CENPF: variants seen among roughly 807,000 people sequenced by gnomAD.
The protein encoded by CENPF is AH antigen.
Under a neutral mutation model 307.3 loss-of-function variants are expected in CENPF, and 214 were observed. That is an observed-to-expected ratio of 0.70 (90% confidence interval 0.62 to 0.78). CENPF has a LOEUF of 0.78. Among genes scored for constraint, CENPF ranks in the 30% least tolerant of loss-of-function variants. The pLI, the probability that CENPF is intolerant of heterozygous loss-of-function variation, is 0.00. For missense variants in CENPF, 3,401 were observed against 3,483.9 expected (o/e 0.98, Z 0.60); for synonymous variants, 1,259 against 1,270.6 (o/e 0.99, Z 0.19).
intron 3 of CENPF, among the ~76,000 whole-genome samples, chr1:214,616,848 T>C (rs898795916): frequency 6.7e-4 from 3 of 4,508 alleles, no homozygotes; most frequent in Admixed American, 1.6e-3. Context: ...TTTCTTTCTT[T>C]CTTTCTTTCT....
rs1199469297 is a variant in CENPF at position 214,644,732 on chromosome 1, G to T, written c.5162G>T (p.Cys1721Phe). Residue 1721 changes from cysteine to phenylalanine, a missense_variant, in exon 13 of 20, where the codon TGC becomes TTC. Transcript: ENST00000366955. The part of the protein sequence containing the change: ...ETGAVKPTGE[C>F]SGEQSPDTNY... ...GGTGCAGTGAAACCCACAGGAGAGT[G>T]CTCTGGGGAACAGTCCCCAGATACC... 4 of 1,613,764 alleles carry T rather than the reference G, an allele frequency of 2.5e-6. No individual in the cohort carries two copies. Among genetic ancestry groups the T allele is most frequent in the Non-Finnish European group, 3.4e-6 (4 of 1,179,894 alleles).
intron 4 of CENPF, among the ~76,000 whole-genome samples, 191 bp downstream of exon 4, chr1:214,618,885 T>C (rs977708671): frequency 6.6e-6 from 1 of 152,260 alleles, no homozygotes; most frequent in African/African-American, 2.4e-5. Context: ...GCTTTTAAGC[T>C]TTTTACTTTA....
chr1:214,664,017 G>A lies in CENPF; in HGVS notation c.*223G>A. The A allele has an allele frequency of 1.9e-6, 1 of 526,382 alleles. No individual in the cohort carries two copies. Among genetic ancestry groups the A allele is most frequent in the Non-Finnish European group, 3.4e-6 (1 of 296,808 alleles). The allele number at this position is 526,382 out of a possible 1,614,324, so 32.6% of individuals were successfully genotyped here. On this transcript the variant is annotated 3_prime_UTR_variant, in exon 20 of 20. Coordinates refer to ENST00000366955, the MANE Select transcript of CENPF (RefSeq NM_016343.4). ...AGCATTGCCATTCCTCTACTGCAAT[G>A]TAAATAGTATAAAGCTATGTATATA...
At position 214,645,512 on chromosome 1, in the gene CENPF, CT is replaced by C. The variant is rs779235200; in HGVS notation, c.5943del (p.Glu1982LysfsTer3). On this transcript the variant is annotated frameshift_variant, in exon 13 of 20. Coordinates refer to ENST00000366955, the MANE Select transcript of CENPF (RefSeq NM_016343.4). LOFTEE classifies it high-confidence loss of function. ...SKKTTALDQL[S>X]EKMKEKTQEL... The stretch of plus-strand genomic sequence containing the variant: ...AAAACCACGGCACTGGATCAGTTGT[CT>C]GAAAAAATGAAGGAGAAAACACAAG... 3 of 1,613,910 alleles carry C rather than the reference CT, an allele frequency of 1.9e-6. No homozygotes were observed. The African/African-American group carries it at 4.0e-5, about 22-fold the overall frequency.
Position 214,641,187 on chromosome 1 carries a change from C to T in CENPF, c.2849C>T (p.Thr950Ile). ...AAGGAGCTACAACTTTTATCCGAAA[C>T]CCTAAGCTTGGAGAAGAAAGAAATG... is the stretch of plus-strand genomic sequence containing the variant. ...SLKELQLLSE[T>I]LSLEKKEMSS... The change falls in exon 12 of 20, where the codon ACC (threonine) becomes ATC (isoleucine). Residue 950 changes from threonine (T) to isoleucine (I), a missense_variant. Physicochemically the swap from Thr to Ile is moderately conservative, Grantham distance 89. Transcript: ENST00000366955. The T allele has an allele frequency of 3.1e-6, 5 of 1,606,590 alleles. No homozygotes were observed. The highest frequency in any genetic ancestry group is 1.3e-5 in the African/African-American group (1 of 74,370).
At chr1:214,660,026 A>C (rs1031462007) in intron 19 of CENPF, among the ~76,000 whole-genome samples, 6 of 152,216 alleles carry the variant, frequency 3.9e-5, no homozygotes, top group Admixed American at 2.6e-4. Flanking sequence ...TTCATAAGTG[A>C]GCAAGCACGT....
At chr1:214,660,263 C>T (rs1658756014) in intron 19 of CENPF, among the ~76,000 whole-genome samples, 1 of 152,080 alleles carries the variant, frequency 6.6e-6, no homozygotes, top group African/African-American at 2.4e-5. Flanking sequence ...AAGAAGAATG[C>T]TCTGAGATTT....
chr1:214,635,317 G>T (rs1260403882), intron 10 of CENPF, among the ~76,000 whole-genome samples: 1 of 152,200 alleles, frequency 6.6e-6, no homozygotes, highest in Non-Finnish European at 1.5e-5. Context: ...GCTGAAATTT[G>T]TTTTGTCTGG....
rs76222303 is a variant in CENPF at position 214,647,076 on chromosome 1, A to G, written c.7506A>G (p.Ser2502=). The G allele has an allele frequency of 1.9e-3, 3,027 of 1,614,066 alleles. 63 individuals carry two copies. In the African/African-American group the frequency reaches 0.035, roughly 19 times the overall value. ...AKNNYIVLQS[S]VNGLIQEVED... The stretch of plus-strand genomic sequence containing the variant: ...ATAATTATATTGTTTTGCAATCTTC[A>G]GTGAATGGCCTCATTCAAGAAGTAG... Residue 2502 remains serine, a synonymous_variant, in exon 13 of 20, where the codon TCA becomes TCG. Transcript: ENST00000366955.
At chr1:214,644,331 A>T (rs1268246932) in intron 12 of CENPF, among the ~76,000 whole-genome samples, 4 of 152,256 alleles carry the variant, frequency 2.6e-5, no homozygotes, top group Non-Finnish European at 5.9e-5. Context: ...TGTCTTCAAG[A>T]TAAATGCCTA....
At chr1:214,660,454 A>G (rs1658761206) in intron 19 of CENPF, among the ~76,000 whole-genome samples, 1 of 152,258 alleles carries the variant, frequency 6.6e-6, no homozygotes, top group African/African-American at 2.4e-5. Flanking sequence ...AATATACTGA[A>G]TATACTGACT....
intron 1 of CENPF, among the ~76,000 whole-genome samples, chr1:214,611,627 A>G (rs184866779): frequency 3.3e-4 from 50 of 152,292 alleles, no homozygotes; most frequent in African/African-American, 1.2e-3. Context: ...CAGCCTCCCA[A>G]AGTGCTGGGA....
intron 9 of CENPF, among the ~76,000 whole-genome samples, chr1:214,631,641 A>G (rs541077202): frequency 6.6e-5 from 10 of 152,274 alleles, no homozygotes; most frequent in Middle Eastern, 3.4e-3. Context: ...CTGGGATTAC[A>G]GGCGCCTGCC....
chr1:214,617,927 T>C (rs972733615), intron 3 of CENPF, among the ~76,000 whole-genome samples: 1 of 152,204 alleles, frequency 6.6e-6, no homozygotes, highest in Admixed American at 6.5e-5. Flanking sequence ...CAAACTGCTA[T>C]AAAGAACTGC....
At chr1:214,611,920 CTG>C (rs1211924815) in intron 1 of CENPF, among the ~76,000 whole-genome samples, 2 of 152,206 alleles carry the variant, frequency 1.3e-5, no homozygotes, top group Non-Finnish European at 2.9e-5. Context: ...ATCATGTTGT[CTG>C]CAAACAGGGG....
At chr1:214,607,945 G>A (rs977272530) in intron 1 of CENPF, among the ~76,000 whole-genome samples, 1 of 152,166 alleles carries the variant, frequency 6.6e-6, no homozygotes, top group Non-Finnish European at 1.5e-5. Context: ...GGCCCCAAGT[G>A]CTGCCTCGGC....
chr1:214,656,766 C>T (rs1658642084), intron 17 of CENPF, among the ~76,000 whole-genome samples, 167 bp from the exon 18 acceptor site: 1 of 152,074 alleles, frequency 6.6e-6, no homozygotes, highest in Non-Finnish European at 1.5e-5. Context: ...ATATACCTCC[C>T]GAACAAGAGT....
chr1:214,651,229 G>A (rs1658452698), intron 14 of CENPF, among the ~76,000 whole-genome samples: 1 of 152,206 alleles, frequency 6.6e-6, no homozygotes. Context: ...GTTCTTCACA[G>A]TGAAGGGATG....
At chr1:214,623,388 C>G (rs1157561629) in intron 7 of CENPF, among the ~76,000 whole-genome samples, 1 of 152,086 alleles carries the variant, frequency 6.6e-6, no homozygotes, top group Non-Finnish European at 1.5e-5. Context: ...TGTGCAAACA[C>G]TATACCATTT....
Sources: gnomAD v4.1 joint callset for allele counts (sites outside exome capture counted in the v4.1 genomes callset) on GRCh38, gnomAD v4.1.1 for gene constraint, MANE v1.5 for transcripts, NCBI Gene and HGNC (gene_info 2026-07-23, HGNC 2026-07-21) for gene names.